The following PLA2R1 variants were observed in gnomAD, a reference collection of about 807,000 sequenced individuals.
PLA2R1 encodes the protein secretory phospholipase A2 receptor.
PLA2R1 carries 158 observed loss-of-function variants against 195.9 expected under a neutral mutation model. The observed-to-expected ratio is 0.81, with a 90% CI of 0.71 to 0.92. The LOEUF (loss-of-function observed/expected upper bound fraction) is 0.92, where lower values mean the gene tolerates loss of function less well. Ranked by LOEUF, PLA2R1 falls within the 40% of genes least tolerant of loss-of-function variation. PLA2R1 has a pLI of 0.00. For missense variants in PLA2R1, 1,626 were observed against 1,764.6 expected, an observed-to-expected ratio of 0.92 and a Z score of 1.41; for synonymous variants, 586 against 598.2, an observed-to-expected ratio of 0.98 and a Z score of 0.30.
In PLA2R1 at chr2:159,977,367, T is replaced by G. The variant is rs753577618; in HGVS notation, c.2318A>C (p.Asn773Thr). Reference protein sequence around the residue: ...DNTYFGEDARNCAVYKANKTL... With the variant: ...DNTYFGEDARTCAVYKANKTL... ...TTTGTTTGCCTTATAAACAGCACAG[T>G]TTCTTGCATCTTCTCCAAAATAAGT... The change falls in exon 15 of 30, where the codon AAC (asparagine) becomes ACC (threonine). Residue 773 changes from asparagine to threonine, a missense_variant. Coordinates refer to ENST00000283243, the MANE Select transcript of PLA2R1 (RefSeq NM_007366.5). 4.3e-6 allele frequency: 7 copies of G among 1,612,842 alleles called. No homozygotes were observed. The African/African-American group carries it at 9.3e-5, about 22-fold the overall frequency.
At chr2:159,952,145 C>T (rs1259128977) in intron 23 of PLA2R1, among the ~76,000 whole-genome samples, 2 of 152,152 alleles carry the variant, frequency 1.3e-5, no homozygotes, top group African/African-American at 2.4e-5. Flanking sequence ...TAGAAATACA[C>T]ACTGTTCTTA....
At chr2:160,055,553 T>C (rs1695482366) in intron 1 of PLA2R1, among the ~76,000 whole-genome samples, 1 of 152,234 alleles carries the variant, frequency 6.6e-6, no homozygotes, top group African/African-American at 2.4e-5. Flanking sequence ...TTCTTCCTGC[T>C]GTGAAACCAA....
intron 3 of PLA2R1, among the ~76,000 whole-genome samples, chr2:160,040,111 A>G (rs1239067031): frequency 6.6e-6 from 1 of 152,162 alleles, no homozygotes; most frequent in East Asian, 1.9e-4. Flanking sequence ...ATAATATGAC[A>G]TCTGTTTCAG....
intron 11 of PLA2R1, among the ~76,000 whole-genome samples, chr2:159,991,537 T>C (rs528958666): frequency 1.1e-4 from 17 of 151,532 alleles, no homozygotes; most frequent in African/African-American, 3.9e-4. Flanking sequence ...TATGTATACA[T>C]GTGCCATGCT....
intron 17 of PLA2R1, among the ~76,000 whole-genome samples, chr2:159,973,017 T>C (rs1439933790): frequency 1.3e-5 from 2 of 152,222 alleles, no homozygotes; most frequent in African/African-American, 4.8e-5. Flanking sequence ...ACAATTCTAA[T>C]CACTGCTCTT....
At chr2:160,036,314 T>C (rs543916467) in intron 3 of PLA2R1, among the ~76,000 whole-genome samples, 1 of 152,350 alleles carries the variant, frequency 6.6e-6, no homozygotes, top group Admixed American at 6.5e-5. Flanking sequence ...GTCAGAAACA[T>C]GGAGTCTGAA....
At chr2:159,969,610 C>T (rs893853711) in intron 18 of PLA2R1, among the ~76,000 whole-genome samples, 16 of 152,064 alleles carry the variant, frequency 1.1e-4, no homozygotes, top group Admixed American at 6.6e-4. Context: ...GGCACGATCT[C>T]GGCTCACGGC....
At chr2:159,995,160 GAAA>G (rs1375248378) in intron 11 of PLA2R1, among the ~76,000 whole-genome samples, 2 of 151,990 alleles carry the variant, frequency 1.3e-5, no homozygotes, top group Non-Finnish European at 2.9e-5. Context: ...CAATTTAAAA[GAAA>G]AAGGGAAACA....
At chr2:159,959,880 A>G (rs1239284801) in intron 20 of PLA2R1, among the ~76,000 whole-genome samples, 1 of 152,090 alleles carries the variant, frequency 6.6e-6, no homozygotes, top group Non-Finnish European at 1.5e-5. Flanking sequence ...CCACTATCTT[A>G]GCCCAACCTA....
Position 160,004,462 on chromosome 2 carries a change from G to A in PLA2R1, c.1834+1190C>T, listed in dbSNP as rs72621698. On this transcript the variant is annotated intron_variant, in intron 11 of 29. Coordinates refer to ENST00000283243, the MANE Select transcript of PLA2R1 (RefSeq NM_007366.5). ...TGTGGCCACTTTTATATTTTAGTGT[G>A]AGGCCACACTAAAGGGGAGATATAC... is the stretch of plus-strand genomic sequence containing the variant. 9.6e-4 allele frequency among the ~76,000 whole-genome samples: 146 copies of A among 152,254 alleles called. No individual in the cohort carries two copies. The East Asian group carries it at 0.027, about 28-fold the overall frequency.
At position 160,022,799 on chromosome 2, in the gene PLA2R1, C is replaced by G. The variant is rs763640587; in HGVS notation, c.1160G>C (p.Arg387Pro). ...TTCTTTCTGAAGTTTGTAGCAATTA[C>G]GATTGTAGGGATTCCAGCCAGGCTC... is the stretch of plus-strand genomic sequence containing the variant. ...HCEPGWNPYNRNCYKLQKEEK... is the reference protein window; with the variant it reads ...HCEPGWNPYNPNCYKLQKEEK... The change falls in exon 7 of 30, where the codon CGT (arginine) becomes CCT (proline). Residue 387 changes from arginine (R) to proline (P), a missense_variant. Arg to Pro is a moderately radical substitution (Grantham distance 103, BLOSUM62 -2). Transcript: ENST00000283243. 1 of 1,613,596 alleles carries G rather than the reference C, an allele frequency of 6.2e-7. No individual in the cohort carries two copies. The highest frequency in any genetic ancestry group is 8.5e-7 in the Non-Finnish European group (1 of 1,179,590).
chr2:159,995,480 T>C (rs1373573836), intron 11 of PLA2R1, among the ~76,000 whole-genome samples: 4 of 152,096 alleles, frequency 2.6e-5, no homozygotes, highest in Non-Finnish European at 4.4e-5. Flanking sequence ...TTATAGACAT[T>C]CCTAACAAAA....
chr2:160,004,633 A>G (rs1691848453), intron 11 of PLA2R1, among the ~76,000 whole-genome samples: 1 of 152,228 alleles, frequency 6.6e-6, no homozygotes. Context: ...ATACAAACTT[A>G]GTAACTCTTT....
At chr2:159,955,610 T>G in intron 22 of PLA2R1, 88 bp downstream of exon 22, 1 of 565,604 alleles carries the variant, frequency 1.8e-6, no homozygotes, top group Non-Finnish European at 2.8e-6. Context: ...ACCTACAAAA[T>G]ATAGGAAATA....
rs1687078892 is a variant in PLA2R1, at chr2:159,941,388, T to A, written c.*390A>T. 6.4e-6 allele frequency: 1 copy of A among 155,436 alleles called. No individual in the cohort carries two copies. The highest frequency in any genetic ancestry group is 1.4e-5 in the Non-Finnish European group (1 of 70,306). The allele number at this position is 155,436 out of a possible 1,614,324, so 9.6% of individuals were successfully genotyped here. Reference sequence around the variant, plus strand: ...TGCTTCTTTCTGTCTTTCTTAATGGTACGAGTGCAGGTAAATGTCTGAATA... The same window carrying A: ...TGCTTCTTTCTGTCTTTCTTAATGGAACGAGTGCAGGTAAATGTCTGAATA... On this transcript the variant is annotated 3_prime_UTR_variant, in exon 30 of 30. Transcript: ENST00000283243.
chr2:160,028,257 A>C lies in PLA2R1; in HGVS notation c.1060T>G (p.Cys354Gly). Residue 354 changes from cysteine (C) to glycine (G), a missense_variant, in exon 6 of 30, where the codon TGT becomes GGT. By Grantham distance (159) the Cys-to-Gly change is radical (BLOSUM62 -3). Transcript: ENST00000283243. ...TCAATGTGGTTTAGATATTTTTTAC[A>C]TATATATGGCAAGGTGGACTCACAA... ...RDCESTLPYICKKYLNHIDHE... is the reference protein window; with the variant it reads ...RDCESTLPYIGKKYLNHIDHE... The C allele has an allele frequency of 6.2e-7, 1 of 1,603,240 alleles. No individual in the cohort carries two copies. The highest frequency in any genetic ancestry group is 8.5e-7 in the Non-Finnish European group (1 of 1,173,622).
chr2:159,956,382 C>T (rs561485385), intron 21 of PLA2R1, 128 bp downstream of exon 21: 3 of 667,076 alleles, frequency 4.5e-6, no homozygotes, highest in African/African-American at 3.6e-5. Context: ...ACTGCAAACT[C>T]GTGTATCATC....
intron 17 of PLA2R1, 47 bp downstream of exon 17, chr2:159,976,021 G>A: frequency 1.8e-6 from 2 of 1,134,200 alleles, no homozygotes; most frequent in East Asian, 2.8e-5. Flanking sequence ...AAGGGCAAAA[G>A]AAGGTGCTAA....
At position 160,028,850 on chromosome 2, in the gene PLA2R1, C is replaced by G; in HGVS notation, c.955G>C (p.Glu319Gln). The G allele has an allele frequency of 6.3e-7, 1 of 1,595,306 alleles. No homozygotes were observed. The highest frequency in any genetic ancestry group is 8.6e-7 in the Non-Finnish European group (1 of 1,162,480). ...AAGGCAAAGAAAACACTGCGGGTAC[C>G]TGGGCTCCAATTCAGATAGTTGAGC... ...TPLNYLNWSP[E>Q]VNFEPFVEDH... The change falls in exon 5 of 30, where the codon GAG becomes CAG. Residue 319 changes from glutamate (E) to glutamine (Q), a missense_variant and splice_region_variant. Coordinates refer to ENST00000283243, the MANE Select transcript of PLA2R1 (RefSeq NM_007366.5).
Sources: gnomAD v4.1 joint callset for allele counts (sites outside exome capture counted in the v4.1 genomes callset) on GRCh38, gnomAD v4.1.1 for gene constraint, MANE v1.5 for transcripts, NCBI Gene and HGNC (gene_info 2026-07-23, HGNC 2026-07-21) for gene names.